MRPL47: variants seen among roughly 807,000 people sequenced by gnomAD.
MRPL47 encodes mitochondrial ribosomal protein L47, also known as large ribosomal subunit protein uL29m.
In MRPL47, 31 loss-of-function variants were observed where a neutral mutation model predicts 34.0. The ratio of observed to expected loss-of-function variants is 0.91; its 90% CI spans 0.68 to 1.23. The LOEUF (loss-of-function observed/expected upper bound fraction) is 1.23. Among genes scored for constraint, MRPL47 ranks in the 50% most tolerant of loss-of-function variants. MRPL47 has a pLI of 0.00. For synonymous variants in MRPL47, 106 were observed against 101.6 expected (o/e 1.04, Z -0.26); for missense variants, 328 against 285.8 (o/e 1.15, Z -1.07).
intron 4 of MRPL47, among the ~76,000 whole-genome samples, chr3:179,597,642 A>G (rs930023210): frequency 1.3e-5 from 2 of 152,130 alleles, no homozygotes; most frequent in African/African-American, 4.8e-5. Flanking sequence ...CCCCGTCTCT[A>G]TTAAAAATAC....
intron 3 of MRPL47, 133 bp downstream of exon 3, chr3:179,601,597 C>CA: frequency 1.6e-6 from 1 of 607,228 alleles, no homozygotes; most frequent in South Asian, 2.0e-5. Context: ...TCTTAAACAT[C>CA]AGATTTATCA....
At chr3:179,603,256 G>C (rs182812828) in intron 1 of MRPL47, among the ~76,000 whole-genome samples, 185 of 152,226 alleles carry the variant, frequency 1.2e-3, no homozygotes, top group African/African-American at 4.1e-3. Flanking sequence ...CAACATGTGG[G>C]CTGGGCACGG....
At chr3:179,596,494 C>T (rs1056752311) in intron 4 of MRPL47, among the ~76,000 whole-genome samples, 2 of 152,170 alleles carry the variant, frequency 1.3e-5, no homozygotes, top group African/African-American at 2.4e-5. Flanking sequence ...AAGTGCAGTA[C>T]ATATAACCTA....
At chr3:179,598,429 CA>C (rs1553779599) in intron 4 of MRPL47, among the ~76,000 whole-genome samples, 35 of 118,832 alleles carry the variant, frequency 2.9e-4, no homozygotes, top group African/African-American at 4.1e-4. Flanking sequence ...CACACACAAA[CA>C]AAAAAAAAAA....
At chr3:179,598,430 A>ACACACACACACACAAAC (rs1491589511) in intron 4 of MRPL47, among the ~76,000 whole-genome samples, 12 of 114,194 alleles carry the variant, frequency 1.1e-4, no homozygotes, top group Admixed American at 1.8e-4. Context: ...ACACACAAAC[A>ACACACACACACACAAAC]AAAAAAAAAA....
intron 1 of MRPL47, among the ~76,000 whole-genome samples, chr3:179,603,439 T>C (rs1242438331): frequency 6.6e-6 from 1 of 151,994 alleles, no homozygotes; most frequent in Non-Finnish European, 1.5e-5. Flanking sequence ...CTCGGGAGGC[T>C]GAGGTGGGAG....
rs533866788 is a variant in MRPL47 at position 179,597,915 on chromosome 3, T to C, written c.402+760A>G. On this transcript the variant is annotated intron_variant, in intron 4 of 6. Transcript: ENST00000476781. Reference sequence around the variant, plus strand: ...GGTCAAGACAGTAAATTTTATGTTATGTGATTTTTACCACAGTTATTTTAA... The same window carrying C: ...GGTCAAGACAGTAAATTTTATGTTACGTGATTTTTACCACAGTTATTTTAA... 2.0e-5 allele frequency among the ~76,000 whole-genome samples: 3 copies of C among 152,372 alleles called. No homozygotes were observed. The South Asian group carries it at 6.2e-4, about 32-fold the overall frequency.
chr3:179,590,057 T>G (rs1487056779), intron 6 of MRPL47, among the ~76,000 whole-genome samples: 1 of 152,134 alleles, frequency 6.6e-6, no homozygotes, highest in African/African-American at 2.4e-5. Flanking sequence ...AAAAGTTATG[T>G]CATGGACAGG....
At chr3:179,589,880 CAA>C in intron 6 of MRPL47, among the ~76,000 whole-genome samples, 1 of 152,256 alleles carries the variant, frequency 6.6e-6, no homozygotes, top group African/African-American at 2.4e-5. Flanking sequence ...TTTACAAAAA[CAA>C]AGACCCATCT....
intron 1 of MRPL47, among the ~76,000 whole-genome samples, chr3:179,604,007 A>AT (rs5854839): frequency 0.72 from 108,576 of 150,026 alleles, 39,888 homozygotes; most frequent in East Asian, 0.92. Flanking sequence ...ATTGTTCCGG[A>AT]TAGAGACTAA....
chr3:179,600,879 C>T (rs1718911608), intron 3 of MRPL47, among the ~76,000 whole-genome samples: 1 of 152,128 alleles, frequency 6.6e-6, no homozygotes, highest in African/African-American at 2.4e-5. Context: ...ATAATATTTT[C>T]TGTGTGAAAC....
intron 6 of MRPL47, among the ~76,000 whole-genome samples, chr3:179,590,337 C>CAA (rs1170151793): frequency 6.4e-4 from 75 of 116,308 alleles, no homozygotes; most frequent in African/African-American, 2.3e-3. Flanking sequence ...GACTCCATCT[C>CAA]AAAAAAAAAA....
intron 1 of MRPL47, among the ~76,000 whole-genome samples, chr3:179,604,184 G>C (rs1399514336): frequency 1.3e-5 from 2 of 152,126 alleles, no homozygotes; most frequent in Non-Finnish European, 2.9e-5. Context: ...ACACAGACTT[G>C]AGTATCACAA....
chr3:179,603,182 A>G (rs1718970509), intron 1 of MRPL47, among the ~76,000 whole-genome samples: 1 of 152,234 alleles, frequency 6.6e-6, no homozygotes, highest in Non-Finnish European at 1.5e-5. Context: ...TTAAGGTAAC[A>G]TTTTTGGGTC....
At chr3:179,590,347 A>G (rs1038808636) in intron 6 of MRPL47, among the ~76,000 whole-genome samples, 1 of 152,080 alleles carries the variant, frequency 6.6e-6, no homozygotes, top group African/African-American at 2.4e-5. Context: ...CAAAAAAAAA[A>G]AAGAAAAAAA....
intron 6 of MRPL47, among the ~76,000 whole-genome samples, chr3:179,589,686 A>C (rs1057123100): frequency 6.1e-5 from 9 of 148,676 alleles, no homozygotes; most frequent in African/African-American, 2.2e-4. Context: ...TTTGGGGGGA[A>C]AAAAGACAAT....
chr3:179,593,700 G>T, intron 5 of MRPL47, 65 bp downstream of exon 5: 1 of 1,470,004 alleles, frequency 6.8e-7, no homozygotes, highest in Non-Finnish European at 9.2e-7. Context: ...AAAAGATATT[G>T]GGCAGGGGAA....
At position 179,588,770 on chromosome 3, in the gene MRPL47, T is replaced by C. The variant is rs1718588066; in HGVS notation, c.*102A>G. ...TAGAACAACTGATTAGTAAAGTCAC[T>C]TGACTAAAAACAGAATTTCTTTATA... On this transcript the variant is annotated 3_prime_UTR_variant, in exon 7 of 7. Transcript: ENST00000476781. 9 of 1,165,816 alleles carry C rather than the reference T, an allele frequency of 7.7e-6. No homozygotes were observed. Among genetic ancestry groups the C allele is most frequent in the Non-Finnish European group, 1.1e-5 (9 of 837,284 alleles). The allele number at this position is 1,165,816 out of a possible 1,614,324, so 72.2% of individuals were successfully genotyped here.
intron 6 of MRPL47, among the ~76,000 whole-genome samples, chr3:179,591,805 T>A (rs1177124164): frequency 6.6e-6 from 1 of 152,140 alleles, no homozygotes; most frequent in Admixed American, 6.6e-5. Context: ...AAAGGATACA[T>A]ACTACAATGT....
Sources: allele counts gnomAD v4.1 joint callset (sites outside exome capture counted in the v4.1 genomes callset), GRCh38; gene constraint gnomAD v4.1.1; transcripts MANE v1.5; gene names NCBI Gene and HGNC (gene_info 2026-07-23, HGNC 2026-07-21).